Variants in USP34 observed in about 807,000 individuals in gnomAD.
USP34 encodes the protein ubiquitin carboxyl-terminal hydrolase 34.
In USP34, 70 loss-of-function variants were observed where a neutral mutation model predicts 460.3. That is an observed-to-expected ratio of 0.15 (90% CI 0.13 to 0.19). USP34 has a LOEUF of 0.19. Among genes scored for constraint, USP34 ranks in the 10% least tolerant of loss-of-function variants. The pLI is 1.00. For missense variants in USP34, 3,985 were observed against 4,236.2 expected (o/e 0.94, Z 1.65); for synonymous variants, 1,647 against 1,405.3 (o/e 1.17, Z -3.85).
intron 51 of USP34, 32 bp downstream of exon 51, chr2:61,245,178 C>G (rs756170581): frequency 1.0e-5 from 16 of 1,566,786 alleles, no homozygotes; most frequent in Non-Finnish European, 1.4e-5. Flanking sequence ...TGGAAGGACA[C>G]AAACCATTTA....
intron 1 of USP34, among the ~76,000 whole-genome samples, chr2:61,424,811 CA>C (rs537953005): frequency 5.1e-4 from 78 of 152,068 alleles, no homozygotes; most frequent in African/African-American, 1.8e-3. Context: ...TCAGGAAATC[CA>C]AACTGTAGTT....
intron 72 of USP34, among the ~76,000 whole-genome samples, chr2:61,205,784 C>G (rs1413446761): frequency 6.6e-6 from 1 of 152,170 alleles, no homozygotes; most frequent in Non-Finnish European, 1.5e-5. Flanking sequence ...TAGAGATGAA[C>G]TAAGGTCGGG....
chr2:61,424,558 A>G (rs13429467), intron 1 of USP34, among the ~76,000 whole-genome samples: 101 of 152,288 alleles, frequency 6.6e-4, no homozygotes, highest in African/African-American at 2.2e-3. Flanking sequence ...TAACATTTCT[A>G]ACACTACTCA....
chr2:61,361,062 G>A (rs2121663), intron 10 of USP34, among the ~76,000 whole-genome samples: 16 of 152,140 alleles, frequency 1.1e-4, no homozygotes, highest in Admixed American at 1.0e-3. Context: ...AGTAAGAATA[G>A]AGTTGGAAGT....
intron 37 of USP34, among the ~76,000 whole-genome samples, chr2:61,281,809 G>A (rs970156034): frequency 1.3e-5 from 2 of 152,054 alleles, no homozygotes; most frequent in Non-Finnish European, 2.9e-5. Flanking sequence ...AGGACATTTA[G>A]AATCATTTAA....
chr2:61,296,901 G>A lies in USP34; in HGVS notation c.4153C>T (p.Leu1385Phe). Residue 1385 changes from leucine (L) to phenylalanine (F), a missense_variant, in exon 30 of 80, where the codon CTT becomes TTT. Around this residue, in one of 14 missense-constraint regions of USP34, gnomAD observed 1,114 missense variants for 1,122.5 expected, o/e 0.99. Transcript: ENST00000398571. Reference sequence around the variant, plus strand: ...CGCCTAGACAGATTTTCTGCATGAAGATGAAGTTCTTCACATCGTAAGCTC... The same window carrying A: ...CGCCTAGACAGATTTTCTGCATGAAAATGAAGTTCTTCACATCGTAAGCTC... ...SESLRCEELH[L>F]HAENLSRRVW... 6.2e-7 allele frequency: 1 copy of A among 1,613,192 alleles called. No homozygotes were observed. Among genetic ancestry groups the A allele is most frequent in the South Asian group, 1.1e-5 (1 of 90,996 alleles).
At chr2:61,215,792 C>T (rs1049153043) in intron 67 of USP34, among the ~76,000 whole-genome samples, 1 of 152,186 alleles carries the variant, frequency 6.6e-6, no homozygotes, top group Non-Finnish European at 1.5e-5. Context: ...TACTATTTGA[C>T]GTCATAACTT....
chr2:61,350,408 G>T lies in USP34; in HGVS notation c.1378-19C>A, dbSNP rs1444035557. ...ACAGTGTCTAAAAAAAAGAGGGAGA[G>T]ATTTCAGTTTGAGAATTCCAGGCAA... On this transcript the variant is annotated intron_variant, in intron 11 of 79. Coordinates refer to ENST00000398571, the MANE Select transcript of USP34 (RefSeq NM_014709.4). 1.9e-6 allele frequency: 3 copies of T among 1,595,884 alleles called. No homozygotes were observed. The highest frequency in any genetic ancestry group is 2.6e-6 in the Non-Finnish European group (3 of 1,172,414).
chr2:61,407,992 G>A (rs1693930507), intron 2 of USP34, among the ~76,000 whole-genome samples: 1 of 152,132 alleles, frequency 6.6e-6, no homozygotes, highest in African/African-American at 2.4e-5. Flanking sequence ...GTGGGCACCT[G>A]TAATCCCAGC....
At chr2:61,420,172 T>C (rs1039332728) in intron 2 of USP34, among the ~76,000 whole-genome samples, 1 of 152,156 alleles carries the variant, frequency 6.6e-6, no homozygotes, top group South Asian at 2.1e-4. Context: ...TAAGTTTAAG[T>C]TAAAGTAATT....
intron 37 of USP34, among the ~76,000 whole-genome samples, chr2:61,282,610 G>A (rs548938436): frequency 8.6e-5 from 13 of 152,036 alleles, no homozygotes; most frequent in East Asian, 3.9e-4. Context: ...ACAACACAGC[G>A]AGACCCCGTC....
chr2:61,306,172 T>A (rs376499236), intron 27 of USP34, among the ~76,000 whole-genome samples: 6 of 152,204 alleles, frequency 3.9e-5, no homozygotes, highest in Non-Finnish European at 8.8e-5. Flanking sequence ...CTGAATGGTA[T>A]TGCCTAGGTT....
At chr2:61,462,810 C>T (rs1448690319) in intron 1 of USP34, among the ~76,000 whole-genome samples, 2 of 149,684 alleles carry the variant, frequency 1.3e-5, no homozygotes, top group Non-Finnish European at 3.0e-5. Flanking sequence ...TGCAGTGAGC[C>T]GAGACTGTAC....
chr2:61,336,057 C>T (rs892672318), intron 18 of USP34, among the ~76,000 whole-genome samples: 8 of 151,824 alleles, frequency 5.3e-5, no homozygotes, highest in African/African-American at 1.9e-4. Flanking sequence ...AAAATTACAG[C>T]GTATATCAAA....
intron 1 of USP34, among the ~76,000 whole-genome samples, chr2:61,425,439 G>A (rs982388307): frequency 3.3e-5 from 5 of 152,088 alleles, no homozygotes; most frequent in African/African-American, 7.2e-5. Flanking sequence ...AGAGCCTCTC[G>A]GTGCTGAGGG....
intron 10 of USP34, among the ~76,000 whole-genome samples, chr2:61,362,716 C>T (rs1158473904): frequency 6.6e-6 from 1 of 152,094 alleles, no homozygotes; most frequent in Non-Finnish European, 1.5e-5. Flanking sequence ...ATCTCATGTA[C>T]AGCAATGTGA....
chr2:61,215,502 T>A (rs913675565), intron 67 of USP34, among the ~76,000 whole-genome samples: 12 of 152,148 alleles, frequency 7.9e-5, no homozygotes, highest in African/African-American at 2.9e-4. Context: ...TGCTGAGGAG[T>A]TAGTGACTTA....
At chr2:61,221,775 AG>A (rs1687594581) in intron 65 of USP34, 169 bp from the exon 66 acceptor site, 1 of 529,450 alleles carries the variant, frequency 1.9e-6, no homozygotes, top group Admixed American at 3.9e-5. Context: ...CAGCAGGATC[AG>A]CGAGGGGTAC....
At chr2:61,256,845 TA>T in intron 47 of USP34, 27 bp downstream of exon 47, 9 of 1,524,058 alleles carry the variant, frequency 5.9e-6, no homozygotes, top group South Asian at 4.0e-5. Context: ...AAGCATAAAG[TA>T]AAAAAATTAT....
Sources: allele counts gnomAD v4.1 joint callset (sites outside exome capture counted in the v4.1 genomes callset), GRCh38; gene constraint gnomAD v4.1.1; regional missense constraint gnomAD v4.1.1; transcripts MANE v1.5; gene names NCBI Gene and HGNC (gene_info 2026-07-23, HGNC 2026-07-21).